RORA: variants seen among roughly 807,000 people sequenced by gnomAD.
RORA encodes the protein RAR related orphan receptor A, also known as nuclear receptor ROR-alpha.
A neutral mutation model predicts 69.5 loss-of-function variants in RORA; 7 were observed. The observed-to-expected ratio is 0.10, with a 90% CI of 0.06 to 0.19. The LOEUF is 0.19. Among genes scored for constraint, RORA ranks in the 10% least tolerant of loss-of-function variants. The pLI is 1.00. For synonymous variants in RORA, 261 were observed against 240.8 expected, an observed-to-expected ratio of 1.08 and a Z score of -0.78; for missense variants, 457 against 663.0, an observed-to-expected ratio of 0.69 and a Z score of 3.41.
At chr15:61,087,710 T>C (rs1403174431) in intron 1 of RORA, among the ~76,000 whole-genome samples, 1 of 152,220 alleles carries the variant, frequency 6.6e-6, no homozygotes, top group Non-Finnish European at 1.5e-5. Flanking sequence ...TAATATATGT[T>C]GCTAACAGTC....
intron 1 of RORA, among the ~76,000 whole-genome samples, chr15:61,105,634 G>A (rs2078941003): frequency 6.6e-6 from 1 of 152,096 alleles, no homozygotes; most frequent in African/African-American, 2.4e-5. Flanking sequence ...TTCAAATCTA[G>A]TAATGCATGA....
intron 1 of RORA, among the ~76,000 whole-genome samples, chr15:60,813,029 C>G (rs962296105): frequency 7.2e-5 from 11 of 152,208 alleles, no homozygotes; most frequent in Non-Finnish European, 1.3e-4. Context: ...AGCTTTATTT[C>G]TTGATTCCAT....
chr15:60,756,351 G>C (rs2071801697), intron 1 of RORA, among the ~76,000 whole-genome samples: 1 of 152,186 alleles, frequency 6.6e-6, no homozygotes, highest in Non-Finnish European at 1.5e-5. Flanking sequence ...TTGTTTAATT[G>C]ATTAAGTTGT....
intron 1 of RORA, among the ~76,000 whole-genome samples, chr15:61,060,816 T>C (rs2078173346): frequency 6.6e-6 from 1 of 151,912 alleles, no homozygotes; most frequent in Non-Finnish European, 1.5e-5. Context: ...ACACATAAAA[T>C]ACACTAACTA....
At chr15:61,204,560 A>G (rs574506278) in intron 1 of RORA, among the ~76,000 whole-genome samples, 5 of 152,346 alleles carry the variant, frequency 3.3e-5, no homozygotes, top group Non-Finnish European at 7.3e-5. Flanking sequence ...GGGACACCTG[A>G]GGCCAGGTTA....
intron 1 of RORA, among the ~76,000 whole-genome samples, chr15:60,704,536 A>G (rs1254683711): frequency 1.3e-5 from 2 of 152,236 alleles, no homozygotes; most frequent in Admixed American, 6.5e-5. Flanking sequence ...TACTGTTCAC[A>G]GTATTTGGCT....
chr15:60,975,606 C>T (rs774126515), intron 1 of RORA, among the ~76,000 whole-genome samples: 22 of 152,192 alleles, frequency 1.4e-4, no homozygotes, highest in Non-Finnish European at 2.6e-4. Flanking sequence ...GTCACCTTCA[C>T]TGAAAGCCCC....
At chr15:60,965,680 A>C (rs1002479544) in intron 1 of RORA, among the ~76,000 whole-genome samples, 1 of 152,216 alleles carries the variant, frequency 6.6e-6, no homozygotes, top group African/African-American at 2.4e-5. Context: ...TGAAGCTATT[A>C]AGATGCAAAG....
At chr15:60,546,710 G>A (rs1247503237) in intron 2 of RORA, among the ~76,000 whole-genome samples, 2 of 152,174 alleles carry the variant, frequency 1.3e-5, no homozygotes, top group African/African-American at 2.4e-5. Flanking sequence ...CTCAACCCGA[G>A]TTTGCGTAAC....
rs73432725 is a variant in RORA at position 61,123,970 on chromosome 15, G to A, written c.166+105083C>T. 3.0e-3 allele frequency among the ~76,000 whole-genome samples: 457 copies of A among 152,284 alleles called. 4 individuals are homozygous for A. Among genetic ancestry groups the A allele is most frequent in the African/African-American group, 0.01 (432 of 41,550 alleles). The stretch of plus-strand genomic sequence containing the variant: ...CCTGCTGCAAAATCCTCGAAGTCTC[G>A]CTTATCCTACTAAATAAAATGTTTA... On this transcript the variant is annotated intron_variant, in intron 1 of 10. Transcript: ENST00000335670.
intron 1 of RORA, among the ~76,000 whole-genome samples, chr15:61,102,674 T>G (rs1304915098): frequency 6.6e-6 from 1 of 152,246 alleles, no homozygotes. Context: ...CCCGGGCTGG[T>G]GCGCTTAATC....
chr15:61,066,027 T>C (rs1199869845), intron 1 of RORA, among the ~76,000 whole-genome samples: 1 of 152,172 alleles, frequency 6.6e-6, no homozygotes, highest in Non-Finnish European at 1.5e-5. Flanking sequence ...TGGGCTAGGG[T>C]TTGGGCCTTT....
At chr15:60,712,820 A>T (rs968895569) in intron 1 of RORA, among the ~76,000 whole-genome samples, 1 of 152,282 alleles carries the variant, frequency 6.6e-6, no homozygotes, top group African/African-American at 2.4e-5. Context: ...GAGAATTCAC[A>T]TTGTTGTTCA....
intron 4 of RORA, among the ~76,000 whole-genome samples, 173 bp downstream of exon 4, chr15:60,514,443 G>T (rs913680483): frequency 2.6e-5 from 4 of 152,132 alleles, no homozygotes; most frequent in Non-Finnish European, 5.9e-5. Flanking sequence ...GGAGGAGGAG[G>T]AAGCAGCTGC....
intron 1 of RORA, among the ~76,000 whole-genome samples, chr15:60,950,515 C>T (rs923443665): frequency 3.7e-5 from 5 of 136,350 alleles, no homozygotes; most frequent in African/African-American, 1.4e-4. Flanking sequence ...AGAGTCAAGA[C>T]CCATCAGTGT....
chr15:60,575,999 G>C (rs958578876), intron 2 of RORA, among the ~76,000 whole-genome samples: 10 of 152,206 alleles, frequency 6.6e-5, no homozygotes, highest in Non-Finnish European at 7.3e-5. Context: ...TCCAAGAACA[G>C]AGCGTGGCTT....
chr15:60,604,022 AC>A (rs1181202888), intron 2 of RORA, among the ~76,000 whole-genome samples: 3 of 151,620 alleles, frequency 2.0e-5, no homozygotes, highest in African/African-American at 7.3e-5. Flanking sequence ...CCTGTAATCT[AC>A]GCAGGAGGCT....
At chr15:60,567,637 T>C (rs199817028) in intron 2 of RORA, among the ~76,000 whole-genome samples, 1 of 152,042 alleles carries the variant, frequency 6.6e-6, no homozygotes, top group African/African-American at 2.4e-5. Context: ...TCTGGAACTC[T>C]TGGCCTTAAG....
chr15:61,059,788 G>A (rs572818820), intron 1 of RORA, among the ~76,000 whole-genome samples: 76 of 151,956 alleles, frequency 5.0e-4, no homozygotes, highest in African/African-American at 1.7e-3. Context: ...CAAAGTTCCC[G>A]TTTTGGCAGC....
Sources: gnomAD v4.1 joint callset for allele counts (sites outside exome capture counted in the v4.1 genomes callset) on GRCh38, gnomAD v4.1.1 for gene constraint, MANE v1.5 for transcripts, NCBI Gene and HGNC (gene_info 2026-07-23, HGNC 2026-07-21) for gene names.